Variants in DOP1A observed in about 807,000 individuals in gnomAD.
The protein encoded by DOP1A is protein DOP1A.
A neutral mutation model predicts 267.6 loss-of-function variants in DOP1A; 90 were observed. That is an observed-to-expected ratio of 0.34 (90% CI 0.28 to 0.40). DOP1A has a LOEUF of 0.40. Ranked by LOEUF, DOP1A falls within the 10% of genes least tolerant of loss-of-function variation. DOP1A has a pLI of 1.00. For synonymous variants in DOP1A, 932 were observed against 999.1 expected, an observed-to-expected ratio of 0.93 and a Z score of 1.27; for missense variants, 2,437 against 2,900.4, an observed-to-expected ratio of 0.84 and a Z score of 3.67.
At chr6:83,170,154 T>C, downstream of DOP1A, 1 of 657,388 alleles carries the variant, frequency 1.5e-6, no homozygotes, top group South Asian at 2.2e-5. Context: ...TTACTGCTGG[T>C]GAAAATAATT....
intron 1 of DOP1A, among the ~76,000 whole-genome samples, chr6:83,093,960 A>G (rs1223751765): frequency 6.6e-6 from 1 of 152,148 alleles, no homozygotes; most frequent in African/African-American, 2.4e-5. Flanking sequence ...GATATTCAGT[A>G]TATTCAGAAT....
chr6:83,081,330 A>G (rs1280783768), intron 1 of DOP1A, among the ~76,000 whole-genome samples: 2 of 152,158 alleles, frequency 1.3e-5, no homozygotes, highest in African/African-American at 2.4e-5. Context: ...CTGGTCTCCA[A>G]CTTCTGGCTC....
At chr6:83,158,223 G>A (rs1321033073) in intron 35 of DOP1A, among the ~76,000 whole-genome samples, 3 of 151,944 alleles carry the variant, frequency 2.0e-5, no homozygotes, top group East Asian at 1.9e-4. Context: ...GGATGGTCTC[G>A]ATCTCCTGAC....
chr6:83,169,976 T>C, downstream of DOP1A: 1 of 386,760 alleles, frequency 2.6e-6, no homozygotes, highest in South Asian at 2.2e-5. Flanking sequence ...CACAAGAGTA[T>C]ATTTTTAAAA....
Position 83,135,695 on chromosome 6 carries a change from C to G in DOP1A, c.2947C>G (p.Gln983Glu). ...TSSVGQAWLN[Q>E]VLQRHDIARV... The stretch of plus-strand genomic sequence containing the variant: ...CTCTGTGGGACAAGCCTGGCTGAAC[C>G]AAGTCCTACAAAGACATGATATTGC... The change falls in exon 20 of 39, where the codon CAA (glutamine) becomes GAA (glutamate). Residue 983 changes from glutamine to glutamate, a missense_variant. This residue lies in a region of DOP1A where 878 missense variants were observed against 992.9 expected (regional missense o/e 0.88). Transcript: ENST00000349129. The G allele has an allele frequency of 3.1e-6, 5 of 1,613,620 alleles. No homozygotes were observed. The highest frequency in any genetic ancestry group is 4.2e-6 in the Non-Finnish European group (5 of 1,179,736).
intron 1 of DOP1A, among the ~76,000 whole-genome samples, chr6:83,088,810 TATTTAGTGACAGTGCCAACA>T (rs1287331971): frequency 6.6e-6 from 1 of 152,222 alleles, no homozygotes; most frequent in African/African-American, 2.4e-5. Flanking sequence ...TCCTGAAGAT[TATTTAGTGACAGTGCCAACA>T]TTGGAACCTA....
intron 38 of DOP1A, chr6:83,166,547 TAA>T (rs926697577): frequency 1.6e-5 from 10 of 639,662 alleles, no homozygotes; most frequent in African/African-American, 1.3e-4. Flanking sequence ...TAAACAGCAA[TAA>T]GTCATTAGCA....
Position 83,118,758 on chromosome 6 carries a change from T to C in DOP1A, c.781-130T>C, listed in dbSNP as rs563882289. On this transcript the variant is annotated intron_variant, in intron 7 of 38. Transcript: ENST00000349129. ...TGTAAAATGGAAGTAATATCCTGTG[T>C]TTGAAATAATCCATGAAAGTACTCC... 25 of 593,728 alleles carry C rather than the reference T, an allele frequency of 4.2e-5. No homozygotes were observed. In the East Asian group the frequency reaches 6.8e-4, roughly 16 times the overall value. 36.8% of individuals were successfully genotyped at this position (593,728 alleles called of 1,614,324 possible).
intron 25 of DOP1A, among the ~76,000 whole-genome samples, 182 bp from the exon 26 acceptor site, chr6:83,147,054 G>A (rs1160431249): frequency 6.6e-6 from 1 of 152,104 alleles, no homozygotes; most frequent in East Asian, 1.9e-4. Flanking sequence ...AATAGCTCAT[G>A]TGTTCTGAAT....
Position 83,073,131 on chromosome 6 carries a change from G to A in DOP1A, c.-147+5352G>A, listed in dbSNP as rs146232729. 381 of 194,482 alleles carry A rather than the reference G, an allele frequency of 2.0e-3. 2 individuals are homozygous for A. Among genetic ancestry groups the A allele is most frequent in the African/African-American group, 8.4e-3 (353 of 42,136 alleles). 12.0% of individuals were successfully genotyped at this position (194,482 alleles called of 1,614,324 possible). ...AGACTCTCACTCTTTTGCCCAGGCTGGAGTGCAGTGGCATGATCTCGGCTC... is the reference window on the plus strand; with the variant it reads ...AGACTCTCACTCTTTTGCCCAGGCTAGAGTGCAGTGGCATGATCTCGGCTC... On this transcript the variant is annotated intron_variant, in intron 1 of 38. Transcript: ENST00000349129.
rs1432537734 is a variant in DOP1A at position 83,122,988 on chromosome 6, T to A, written c.1340+6T>A. 1 of 1,578,978 alleles carries A rather than the reference T, an allele frequency of 6.3e-7. No homozygotes were observed. Among genetic ancestry groups the A allele is most frequent in the Non-Finnish European group, 8.6e-7 (1 of 1,168,762 alleles). On this transcript the variant is annotated splice_donor_region_variant and intron_variant, in intron 12 of 38. Transcript: ENST00000349129. ...TGGTTTGAAGAATGTTGTAGGTATG[T>A]TAAACTTTCATTCCTTTTAATTTCG...
At chr6:83,117,081 A>T (rs1184697308) in intron 7 of DOP1A, among the ~76,000 whole-genome samples, 2 of 152,094 alleles carry the variant, frequency 1.3e-5, no homozygotes, top group Non-Finnish European at 2.9e-5. Flanking sequence ...TAAGACAACT[A>T]TCATACTTCA....
At chr6:83,170,338 ATCT>A, downstream of DOP1A, 1 of 1,614,194 alleles carries the variant, frequency 6.2e-7, no homozygotes, top group African/African-American at 1.3e-5. Flanking sequence ...CTCGGACGAC[ATCT>A]TCTGTACCAG....
At chr6:83,134,853 C>T (rs866548863) in intron 19 of DOP1A, among the ~76,000 whole-genome samples, 41 of 152,032 alleles carry the variant, frequency 2.7e-4, no homozygotes, top group African/African-American at 8.9e-4. Flanking sequence ...AAGGTAGTCT[C>T]ACCAGTTGGT....
At chr6:83,157,608 A>G (rs1277885324) in intron 35 of DOP1A, among the ~76,000 whole-genome samples, 1 of 152,254 alleles carries the variant, frequency 6.6e-6, no homozygotes, top group Non-Finnish European at 1.5e-5. Context: ...TAACTCTGTC[A>G]TGGCCTACAG....
chr6:83,125,837 GTC>G (rs1777068707), intron 15 of DOP1A, 104 bp downstream of exon 15: 9 of 1,006,532 alleles, frequency 8.9e-6, no homozygotes, highest in Non-Finnish European at 1.2e-5. Flanking sequence ...ATAATAGTGA[GTC>G]TTTCCTAGAT....
At chr6:83,068,966 A>C (rs1785160730) in intron 1 of DOP1A, among the ~76,000 whole-genome samples, 1 of 152,242 alleles carries the variant, frequency 6.6e-6, no homozygotes, top group South Asian at 2.1e-4. Context: ...AACTAAAAAC[A>C]CCTGATTTAA....
At chr6:83,125,873 G>A (rs898998503) in intron 15 of DOP1A, 140 bp downstream of exon 15, 2 of 722,946 alleles carry the variant, frequency 2.8e-6, no homozygotes, top group African/African-American at 3.6e-5. Flanking sequence ...TAGTAGGCTT[G>A]TAGGCTTTTG....
At chr6:83,100,682 T>G in intron 3 of DOP1A, 23 bp from the exon 4 acceptor site, 1 of 1,420,900 alleles carries the variant, frequency 7.0e-7, no homozygotes, top group Non-Finnish European at 9.3e-7. Flanking sequence ...TTTTCTCAAC[T>G]ACATTAAAAT....
Sources: gnomAD v4.1 joint callset for allele counts (sites outside exome capture counted in the v4.1 genomes callset) on GRCh38, gnomAD v4.1.1 for gene constraint, gnomAD v4.1.1 regional missense constraint, MANE v1.5 for transcripts, NCBI Gene and HGNC (gene_info 2026-07-23, HGNC 2026-07-21) for gene names.